Variants in PHTF2 observed in about 807,000 individuals in gnomAD.
PHTF2 encodes the protein protein PHTF2.
Under a neutral mutation model 101.2 loss-of-function variants are expected in PHTF2, and 60 were observed. The observed-to-expected ratio is 0.59, with a 90% CI of 0.48 to 0.73. The LOEUF (loss-of-function observed/expected upper bound fraction) is 0.73. PHTF2 is among the 30% of genes least tolerant of loss of function. The pLI, the probability that PHTF2 is intolerant of heterozygous loss-of-function variation, is 0.00. For missense variants in PHTF2, 747 were observed against 908.7 expected, an observed-to-expected ratio of 0.82 and a Z score of 2.29; for synonymous variants, 311 against 307.3, an observed-to-expected ratio of 1.01 and a Z score of -0.13.
At chr7:77,941,459 G>A (rs1805632498) in intron 15 of PHTF2, among the ~76,000 whole-genome samples, 2 of 152,076 alleles carry the variant, frequency 1.3e-5, no homozygotes, top group African/African-American at 4.8e-5. Context: ...CCCTAAGCAG[G>A]TGTTACATTC....
chr7:77,889,519 C>T (rs578163734), intron 3 of PHTF2, among the ~76,000 whole-genome samples: 4 of 151,768 alleles, frequency 2.6e-5, no homozygotes, highest in South Asian at 4.2e-4. Context: ...AAAACTACCT[C>T]TCCAAAAAAG....
At chr7:77,928,447 A>G (rs1472576103) in intron 11 of PHTF2, among the ~76,000 whole-genome samples, 2 of 152,092 alleles carry the variant, frequency 1.3e-5, no homozygotes, top group Non-Finnish European at 2.9e-5. Flanking sequence ...TTTCACTTCC[A>G]TTTGTGAAAC....
intron 3 of PHTF2, among the ~76,000 whole-genome samples, chr7:77,883,109 T>A (rs981083964): frequency 2.6e-5 from 4 of 152,100 alleles, no homozygotes; most frequent in Non-Finnish European, 1.5e-5. Context: ...CAGAGATATT[T>A]CTAGGTGGTT....
At chr7:77,895,526 T>C (rs974965378) in intron 5 of PHTF2, among the ~76,000 whole-genome samples, 25 of 152,126 alleles carry the variant, frequency 1.6e-4, no homozygotes, top group African/African-American at 5.8e-4. Context: ...AGACAGGAGA[T>C]ATAAGTACCT....
intron 2 of PHTF2, among the ~76,000 whole-genome samples, chr7:77,851,404 T>G (rs975803294): frequency 6.6e-6 from 1 of 152,182 alleles, no homozygotes; most frequent in African/African-American, 2.4e-5. Flanking sequence ...TAGTTGCTCA[T>G]AGCAGTCTCT....
At chr7:77,807,533 T>C (rs1793089549) in intron 1 of PHTF2, among the ~76,000 whole-genome samples, 2 of 152,212 alleles carry the variant, frequency 1.3e-5, no homozygotes, top group Non-Finnish European at 2.9e-5. Context: ...CTTTGCCCAT[T>C]TTAAAATCAG....
chr7:77,812,117 G>C (rs184451244), intron 1 of PHTF2, among the ~76,000 whole-genome samples: 110 of 152,296 alleles, frequency 7.2e-4, no homozygotes, highest in African/African-American at 2.5e-3. Context: ...AAAGAACCTG[G>C]ATGGTGAGGG....
At chr7:77,873,144 G>T (rs1340981242) in intron 3 of PHTF2, among the ~76,000 whole-genome samples, 1 of 152,032 alleles carries the variant, frequency 6.6e-6, no homozygotes. Flanking sequence ...GGCCAAGGTG[G>T]TCTCGATCTC....
intron 16 of PHTF2, among the ~76,000 whole-genome samples, chr7:77,947,833 CTTTCTT>C (rs1806195518): frequency 2.3e-5 from 1 of 43,212 alleles, no homozygotes; most frequent in African/African-American, 9.4e-5. Flanking sequence ...TTTCTTTTTT[CTTTCTT>C]TTTTTTTTTT....
chr7:77,879,772 T>C (rs1799254577), intron 3 of PHTF2, among the ~76,000 whole-genome samples: 1 of 152,168 alleles, frequency 6.6e-6, no homozygotes, highest in South Asian at 2.1e-4. Context: ...CTCTTATGTA[T>C]CTTATAGGAA....
chr7:77,922,829 C>A, intron 11 of PHTF2, 51 bp downstream of exon 10: 2 of 1,298,706 alleles, frequency 1.5e-6, no homozygotes, highest in Non-Finnish European at 2.1e-6. Context: ...TTATATGTTA[C>A]TAATTTATAA....
At chr7:77,871,557 G>A (rs983892171) in intron 3 of PHTF2, among the ~76,000 whole-genome samples, 1 of 152,206 alleles carries the variant, frequency 6.6e-6, no homozygotes, top group East Asian at 1.9e-4. Context: ...GTGATGGTAA[G>A]TGGTGCTACT....
intron 1 of PHTF2, among the ~76,000 whole-genome samples, chr7:77,814,464 C>T (rs1407616106): frequency 6.6e-6 from 1 of 151,500 alleles, no homozygotes; most frequent in African/African-American, 2.4e-5. Context: ...TTAAATCGTT[C>T]TTGCACTTAG....
chr7:77,882,728 T>A (rs1483385428), intron 3 of PHTF2, among the ~76,000 whole-genome samples: 1 of 152,168 alleles, frequency 6.6e-6, no homozygotes, highest in Non-Finnish European at 1.5e-5. Flanking sequence ...TCAGAAAAGT[T>A]AGAGATTTGG....
At chr7:77,885,487 C>A (rs1171457688) in intron 3 of PHTF2, among the ~76,000 whole-genome samples, 1 of 152,052 alleles carries the variant, frequency 6.6e-6, no homozygotes, top group Non-Finnish European at 1.5e-5. Context: ...CTCTGTCACC[C>A]AGGCTAGAGT....
chr7:77,861,276 G>T (rs1797620038), intron 3 of PHTF2, among the ~76,000 whole-genome samples: 1 of 151,996 alleles, frequency 6.6e-6, no homozygotes, highest in African/African-American at 2.4e-5. Context: ...TTTTAGGAAG[G>T]AACAAAACAA....
intron 3 of PHTF2, among the ~76,000 whole-genome samples, chr7:77,859,613 G>A (rs1797461856): frequency 6.7e-6 from 1 of 148,484 alleles, no homozygotes; most frequent in South Asian, 2.1e-4. Flanking sequence ...ACCTGTGTTG[G>A]AGTACAGTGG....
At chr7:77,824,587 G>A (rs1794563928) in intron 1 of PHTF2, among the ~76,000 whole-genome samples, 1 of 152,068 alleles carries the variant, frequency 6.6e-6, no homozygotes, top group Non-Finnish European at 1.5e-5. Flanking sequence ...CACCATGCCT[G>A]GCTAATTTTT....
chr7:77,798,874 C>T (rs904866609), exon 1 of PHTF2: 2 of 152,720 alleles, frequency 1.3e-5, no homozygotes, highest in African/African-American at 4.8e-5. Context: ...CGGGCAGCCT[C>T]GTTGTGGCTC....
Sources: allele counts gnomAD v4.1 joint callset (sites outside exome capture counted in the v4.1 genomes callset), GRCh38; gene constraint gnomAD v4.1.1; transcripts MANE v1.5; gene names NCBI Gene and HGNC (gene_info 2026-07-23, HGNC 2026-07-21).